Variants in GRIK4 observed in about 807,000 individuals in gnomAD.
GRIK4 encodes glutamate ionotropic receptor kainate type subunit 4.
In GRIK4, 40 loss-of-function variants were observed where a neutral mutation model predicts 104.9. The observed-to-expected ratio is 0.38, with a 90% CI of 0.30 to 0.50. The LOEUF is 0.50. Ranked by LOEUF, GRIK4 falls within the 20% of genes least tolerant of loss-of-function variation. The pLI, the probability that GRIK4 is intolerant of heterozygous loss-of-function variation, is 0.93. For synonymous variants in GRIK4, 485 were observed against 524.9 expected (o/e 0.92, Z 1.04); for missense variants, 1,047 against 1,308.1 (o/e 0.80, Z 3.08).
At chr11:120,929,816 C>CA (rs1412027338) in intron 13 of GRIK4, among the ~76,000 whole-genome samples, 1 of 144,820 alleles carries the variant, frequency 6.9e-6, no homozygotes, top group East Asian at 2.2e-4. Context: ...GAAGGGCGCC[C>CA]TCTAGTGGGG....
intron 11 of GRIK4, among the ~76,000 whole-genome samples, chr11:120,889,216 C>A (rs1181594938): frequency 6.6e-6 from 1 of 152,124 alleles, no homozygotes; most frequent in Non-Finnish European, 1.5e-5. Flanking sequence ...ATGCAGTAAG[C>A]GTTTACTCCC....
At chr11:120,841,746 C>T (rs558317066) in intron 8 of GRIK4, among the ~76,000 whole-genome samples, 1 of 152,170 alleles carries the variant, frequency 6.6e-6, no homozygotes, top group Non-Finnish European at 1.5e-5. Flanking sequence ...GTACAAAGGT[C>T]CCGGTTTCTC....
rs1331248716 is a variant in GRIK4 at position 120,690,729 on chromosome 11, G to A, written c.82+30329G>A. Among the ~76,000 whole-genome samples the A allele has an allele frequency of 2.0e-5, 3 of 152,240 alleles. No individual in the cohort carries two copies. In the East Asian group the frequency reaches 5.8e-4, roughly 29 times the overall value. ...GATGACTTTGCACCAACAGCCAGGT[G>A]TCTTGTTCCTTACCCTCCTCACCAG... On this transcript the variant is annotated intron_variant, in intron 3 of 20. Transcript: ENST00000527524.
At chr11:120,587,535 C>T (rs1948682971) in intron 1 of GRIK4, among the ~76,000 whole-genome samples, 1 of 152,176 alleles carries the variant, frequency 6.6e-6, no homozygotes, top group African/African-American at 2.4e-5. Context: ...CAGTGTCAGA[C>T]ATATGTAGTT....
chr11:120,986,109 A>G lies in GRIK4; in HGVS notation c.2720A>G (p.Gln907Arg), dbSNP rs781022846. Reference protein sequence around the residue: ...EPDQLAQRLAQEAALVARGCT... With the variant: ...EPDQLAQRLAREAALVARGCT... Reference sequence around the variant, plus strand: ...GACCAGCTCGCGCAGAGACTGGCGCAGGAGGCCGCCCTGGTGGCCCGCGGC... The same window carrying G: ...GACCAGCTCGCGCAGAGACTGGCGCGGGAGGCCGCCCTGGTGGCCCGCGGC... The change falls in exon 21 of 21, where the codon CAG becomes CGG. Residue 907 changes from glutamine (Q) to arginine (R), a missense_variant. Transcript: ENST00000527524. The G allele has an allele frequency of 7.9e-6, 12 of 1,514,580 alleles. No homozygotes were observed. The highest frequency in any genetic ancestry group is 9.7e-6 in the Non-Finnish European group (11 of 1,138,898). 93.8% of individuals were successfully genotyped at this position (1,514,580 alleles called of 1,614,324 possible). A position where few individuals can be genotyped will look rare whatever the true frequency, so the allele number is the denominator to read the frequency against.
intron 6 of GRIK4, among the ~76,000 whole-genome samples, chr11:120,826,385 A>C (rs1325212319): frequency 6.6e-6 from 1 of 152,100 alleles, no homozygotes; most frequent in Non-Finnish European, 1.5e-5. Flanking sequence ...GGGACCTCTG[A>C]CCGTATGATC....
At chr11:120,644,888 TATA>T (rs1284763804) in intron 1 of GRIK4, among the ~76,000 whole-genome samples, 2 of 152,018 alleles carry the variant, frequency 1.3e-5, no homozygotes, top group Middle Eastern at 3.4e-3. Context: ...GAACTTAAAG[TATA>T]ATAATAATAA....
chr11:120,875,340 C>T (rs1954754010), intron 11 of GRIK4, 97 bp downstream of exon 11: 3 of 788,090 alleles, frequency 3.8e-6, no homozygotes, highest in Admixed American at 1.9e-5. Context: ...CCCAGTTATC[C>T]CCAACAGCAG....
At chr11:120,732,597 T>G in intron 3 of GRIK4, among the ~76,000 whole-genome samples, 1 of 152,242 alleles carries the variant, frequency 6.6e-6, no homozygotes, top group East Asian at 1.9e-4. Context: ...AATAAATTTT[T>G]TCATCATTCG....
chr11:120,522,042 T>A (rs1947801669), intron 1 of GRIK4, among the ~76,000 whole-genome samples: 1 of 152,152 alleles, frequency 6.6e-6, no homozygotes, highest in African/African-American at 2.4e-5. Context: ...ACTTTACACA[T>A]GAGGAAATAC....
rs927808394 is a variant in GRIK4, at chr11:120,549,461, G to T, written c.-159+37574G>T. Among the ~76,000 whole-genome samples the T allele has an allele frequency of 6.6e-5, 10 of 152,160 alleles. No homozygotes were observed. The highest frequency in any genetic ancestry group is 2.4e-4 in the African/African-American group (10 of 41,452). On this transcript the variant is annotated intron_variant, in intron 1 of 20. Transcript: ENST00000527524. This position sits in a 1 kb window ranked among gnomAD's most constrained non-coding sequence, Gnocchi z 4.7. ...CCCGTGTGGTACCATTGTTGATGTG[G>T]ACAGACACACACACTAACAAACAAG...
At chr11:120,770,558 T>C (rs1015044470) in intron 3 of GRIK4, among the ~76,000 whole-genome samples, 7 of 152,250 alleles carry the variant, frequency 4.6e-5, no homozygotes, top group African/African-American at 1.7e-4. Flanking sequence ...TTTGGATGAA[T>C]TTCATTTATT....
At chr11:120,798,213 G>T (rs796881084) in intron 3 of GRIK4, among the ~76,000 whole-genome samples, 25 of 122,300 alleles carry the variant, frequency 2.0e-4, no homozygotes, top group African/African-American at 6.7e-4. Flanking sequence ...TTGTCGCCTA[G>T]GCTGGAGTGC....
At chr11:120,850,150 G>C (rs1391738938) in intron 8 of GRIK4, among the ~76,000 whole-genome samples, 1 of 152,088 alleles carries the variant, frequency 6.6e-6, no homozygotes, top group Non-Finnish European at 1.5e-5. Context: ...TATCTCCTTG[G>C]CTTCCTCTTC....
chr11:120,533,732 C>T (rs1947944526), intron 1 of GRIK4, among the ~76,000 whole-genome samples: 1 of 151,978 alleles, frequency 6.6e-6, no homozygotes, highest in African/African-American at 2.4e-5. Flanking sequence ...GCAAAACTTA[C>T]CCGGGTGTGG....
chr11:120,935,016 C>A (rs182180916), intron 13 of GRIK4, among the ~76,000 whole-genome samples: 1 of 152,182 alleles, frequency 6.6e-6, no homozygotes, highest in African/African-American at 2.4e-5. Context: ...TCTTCACTGA[C>A]GAGTCTGGTC....
intron 1 of GRIK4, among the ~76,000 whole-genome samples, chr11:120,595,414 C>T (rs573610036): frequency 6.6e-6 from 1 of 152,122 alleles, no homozygotes; most frequent in African/African-American, 2.4e-5. Flanking sequence ...TTTTTTCTTC[C>T]CCTCTAGACT....
In GRIK4 at chr11:120,939,684, C is replaced by T. The variant is rs572563206; in HGVS notation, c.1477-663C>T. Among the ~76,000 whole-genome samples, 1 of 152,322 alleles carries T rather than the reference C, an allele frequency of 6.6e-6. No individual in the cohort carries two copies. Among genetic ancestry groups the T allele is most frequent in the South Asian group, 2.1e-4 (1 of 4,824 alleles). On this transcript the variant is annotated intron_variant, in intron 13 of 20. Coordinates refer to ENST00000527524, the MANE Select transcript of GRIK4 (RefSeq NM_014619.5). The surrounding 1 kb of genome is among the most constrained non-coding windows in gnomAD (Gnocchi z 5.6). ...TGTCAACTGAACGAAACAAACACTA[C>T]TCAATATTGAGAATGGGCCAGGCGC... is the stretch of plus-strand genomic sequence containing the variant.
rs115967304 is a variant in GRIK4, at chr11:120,769,956, A to T, written c.83-32737A>T. Among the ~76,000 whole-genome samples, 514 of 152,298 alleles carry T rather than the reference A, an allele frequency of 3.4e-3. 1 individual carries two copies. The highest frequency in any genetic ancestry group is 0.012 in the African/African-American group (482 of 41,554). ...ATGACTCCCTCCCAGCTTAACCAAT[A>T]TATAATTAATTCTTTAAAATAATGG... On this transcript the variant is annotated intron_variant, in intron 3 of 20. Transcript: ENST00000527524.
Sources: allele counts gnomAD v4.1 joint callset (sites outside exome capture counted in the v4.1 genomes callset), GRCh38; gene constraint gnomAD v4.1.1; non-coding constraint Gnocchi (gnomAD v3.1); transcripts MANE v1.5; gene names NCBI Gene and HGNC (gene_info 2026-07-23, HGNC 2026-07-21).